TANC1: variants seen among roughly 807,000 people sequenced by gnomAD.
TANC1 encodes tetratricopeptide repeat, ankyrin repeat and coiled-coil containing 1, also known as protein TANC1.
A neutral mutation model predicts 149.7 loss-of-function variants in TANC1; 77 were observed. The observed-to-expected ratio is 0.51, with a 90% CI of 0.43 to 0.62. The LOEUF (loss-of-function observed/expected upper bound fraction) is 0.62, where lower values mean the gene tolerates loss of function less well. Among genes scored for constraint, TANC1 ranks in the 20% least tolerant of loss-of-function variants. The probability of loss-of-function intolerance (pLI) is 0.00; values close to 1 mark genes in which losing one functional copy is unlikely to be tolerated. For synonymous variants in TANC1, 854 were observed against 925.0 expected (o/e 0.92, Z 1.39); for missense variants, 1,985 against 2,321.8 (o/e 0.85, Z 2.98).
chr2:159,053,231 T>C (rs1315341891), intron 2 of TANC1, among the ~76,000 whole-genome samples: 1 of 151,934 alleles, frequency 6.6e-6, no homozygotes, highest in Non-Finnish European at 1.5e-5. Flanking sequence ...TTGGGGCTGT[T>C]GGAGTTAATT....
intron 5 of TANC1, among the ~76,000 whole-genome samples, chr2:159,146,287 T>A (rs1433921301): frequency 6.6e-6 from 1 of 152,192 alleles, no homozygotes; most frequent in Non-Finnish European, 1.5e-5. Flanking sequence ...GAATTCAGAC[T>A]GAAGGGGACC....
At chr2:159,165,074 T>C (rs535481726) in intron 8 of TANC1, among the ~76,000 whole-genome samples, 1 of 152,342 alleles carries the variant, frequency 6.6e-6, no homozygotes, top group South Asian at 2.1e-4. Context: ...TTTATTAACT[T>C]CAACAAAAAT....
intron 3 of TANC1, among the ~76,000 whole-genome samples, chr2:159,084,393 G>C (rs967191299): frequency 6.6e-6 from 1 of 152,180 alleles, no homozygotes; most frequent in African/African-American, 2.4e-5. Flanking sequence ...AGCTAAGTTG[G>C]TAGTATTTTT....
At chr2:159,127,285 A>T (rs1203613204) in intron 4 of TANC1, among the ~76,000 whole-genome samples, 1 of 152,240 alleles carries the variant, frequency 6.6e-6, no homozygotes, top group African/African-American at 2.4e-5. Context: ...GTCAGTCGGA[A>T]TGGCGGTTAT....
At chr2:159,181,101 C>T (rs939194953) in intron 14 of TANC1, among the ~76,000 whole-genome samples, 1 of 152,144 alleles carries the variant, frequency 6.6e-6, no homozygotes, top group Non-Finnish European at 1.5e-5. Flanking sequence ...ATTTCTGCCT[C>T]TTTCTGTAGC....
intron 20 of TANC1, among the ~76,000 whole-genome samples, chr2:159,218,783 T>C (rs895645229): frequency 1.3e-5 from 2 of 152,212 alleles, no homozygotes; most frequent in African/African-American, 4.8e-5. Context: ...GGAAAGCCCA[T>C]GGCTTGGGTG....
Position 158,991,312 on chromosome 2 carries a change from G to A in TANC1, c.-125-9768G>A, listed in dbSNP as rs147003762. ...ATACTCATGCATTTTTACAGTGCAC[G>A]GTCTGATTAAGTAAATTTTGGTACA... On this transcript the variant is annotated intron_variant, in intron 1 of 26. Transcript: ENST00000263635. 1.6e-3 allele frequency among the ~76,000 whole-genome samples: 241 copies of A among 152,078 alleles called. 5 individuals are homozygous for A. The East Asian group carries it at 0.036, about 23-fold the overall frequency.
intron 19 of TANC1, among the ~76,000 whole-genome samples, chr2:159,217,279 G>T (rs1200470068): frequency 6.6e-6 from 1 of 152,206 alleles, no homozygotes; most frequent in Non-Finnish European, 1.5e-5. Flanking sequence ...TCAAGGAAGT[G>T]CAAGCAGCCC....
chr2:159,198,859 C>T (rs1023566824), intron 18 of TANC1, 116 bp from the exon 19 acceptor site: 2 of 672,274 alleles, frequency 3.0e-6, no homozygotes, highest in African/African-American at 3.6e-5. Flanking sequence ...TTTTTCTCTC[C>T]TTGGGCAGTG....
At chr2:159,079,712 G>C (rs546706222) in intron 3 of TANC1, among the ~76,000 whole-genome samples, 1 of 152,126 alleles carries the variant, frequency 6.6e-6, no homozygotes, top group East Asian at 1.9e-4. Flanking sequence ...AACCCATCAC[G>C]GACTCAGACA....
Position 159,196,591 on chromosome 2 carries a change from C to T in TANC1, c.2980-17C>T, listed in dbSNP as rs1420755273. 1 of 1,587,890 alleles carries T rather than the reference C, an allele frequency of 6.3e-7. No homozygotes were observed. The highest frequency in any genetic ancestry group is 8.6e-7 in the Non-Finnish European group (1 of 1,163,406). ...AAGTAATGCTCAGCTGTAACCTTCC[C>T]CTACTCCTGCCCCCAGGTGGACCAC... On this transcript the variant is annotated splice_polypyrimidine_tract_variant and intron_variant, in intron 17 of 26. Transcript: ENST00000263635.
At chr2:159,062,694 G>A (rs1456113619) in intron 2 of TANC1, among the ~76,000 whole-genome samples, 4 of 152,064 alleles carry the variant, frequency 2.6e-5, no homozygotes, top group African/African-American at 7.2e-5. Context: ...TCGGCCGGGC[G>A]CGGTGGCTCA....
At position 159,099,503 on chromosome 2, in the gene TANC1, AAAAAAC is replaced by A. The variant is rs199997089; in HGVS notation, c.259+1674_259+1679del. 4.0e-3 allele frequency among the ~76,000 whole-genome samples: 609 copies of A among 152,082 alleles called. 9 individuals are homozygous for A. The highest frequency in any genetic ancestry group is 0.014 in the African/African-American group (581 of 41,466). ...AATTAGTGGGTATATTGACCAAAAA[AAAAAAC>A]AAAACAAAACAAAACAAAAAAACTT... On this transcript the variant is annotated intron_variant, in intron 4 of 26. Transcript: ENST00000263635.
chr2:159,016,541 A>T (rs1378238597), intron 2 of TANC1, among the ~76,000 whole-genome samples: 3 of 146,204 alleles, frequency 2.1e-5, no homozygotes, highest in South Asian at 2.2e-4. Flanking sequence ...TTTAATAAGT[A>T]TTTTTTTTTA....
chr2:159,013,294 C>A (rs769558264), intron 2 of TANC1, among the ~76,000 whole-genome samples: 6 of 152,134 alleles, frequency 3.9e-5, no homozygotes, highest in Non-Finnish European at 7.4e-5. Context: ...TTCCTGCAGT[C>A]AAATTGTGTC....
At position 159,014,660 on chromosome 2, in the gene TANC1, CA is replaced by C. The variant is rs568001191; in HGVS notation, c.-16+13475del. Among the ~76,000 whole-genome samples, 645 of 152,270 alleles carry C rather than the reference CA, an allele frequency of 4.2e-3. 4 individuals carry two copies. Among genetic ancestry groups the C allele is most frequent in the Non-Finnish European group, 7.8e-3 (533 of 68,012 alleles). ...CCTTCCACCTATGAGCCTATAAAAT[CA>C]AAAGCAAGCTAGTTATTTCTTAGAT... On this transcript the variant is annotated intron_variant, in intron 2 of 26. Transcript: ENST00000263635.
intron 5 of TANC1, chr2:159,148,245 G>C (rs1450353914): frequency 6.6e-6 from 1 of 152,222 alleles, no homozygotes; most frequent in African/African-American, 2.4e-5. Flanking sequence ...GATGGATGCT[G>C]ATTTTAGAAG....
chr2:159,066,697 A>G (rs568306575), intron 3 of TANC1, among the ~76,000 whole-genome samples: 4 of 152,270 alleles, frequency 2.6e-5, no homozygotes, highest in East Asian at 1.9e-4. Flanking sequence ...TGGAGTATCA[A>G]ATTTTACTCC....
chr2:159,126,492 T>C (rs1468237914), intron 4 of TANC1, among the ~76,000 whole-genome samples: 1 of 152,230 alleles, frequency 6.6e-6, no homozygotes, highest in Non-Finnish European at 1.5e-5. Flanking sequence ...CTGAAAATGT[T>C]CCAACAGCTG....
Sources: gnomAD v4.1 joint callset for allele counts (sites outside exome capture counted in the v4.1 genomes callset) on GRCh38, gnomAD v4.1.1 for gene constraint, MANE v1.5 for transcripts, NCBI Gene and HGNC (gene_info 2026-07-23, HGNC 2026-07-21) for gene names.